Variants in MTMR10 observed in about 807,000 individuals in gnomAD.
MTMR10 encodes the protein myotubularin-related protein 10.
In MTMR10, 56 loss-of-function variants were observed where a neutral mutation model predicts 88.1. That is an observed-to-expected ratio of 0.64 (90% CI 0.51 to 0.79). MTMR10 has a LOEUF of 0.79. MTMR10 is among the 30% of genes least tolerant of loss of function. The pLI, the probability that MTMR10 is intolerant of heterozygous loss-of-function variation, is 0.00. For missense variants in MTMR10, 883 were observed against 924.7 expected (o/e 0.95, Z 0.58); for synonymous variants, 380 against 340.9 (o/e 1.11, Z -1.26).
At chr15:30,961,206 G>C in intron 6 of MTMR10, 133 bp from the exon 7 acceptor site, 1 of 1,224,936 alleles carries the variant, frequency 8.2e-7, no homozygotes, top group Non-Finnish European at 1.1e-6. Flanking sequence ...GTCTCTCCGA[G>C]AACTGTCTTG....
chr15:30,924,693 G>A, the MTMR10 span, among the ~76,000 whole-genome samples: 1 of 152,254 alleles, frequency 6.6e-6, no homozygotes, highest in South Asian at 2.1e-4. Context: ...TTGACCTGGC[G>A]CTTTGATGTG....
At chr15:30,983,799 A>G (rs561419121) in intron 2 of MTMR10, among the ~76,000 whole-genome samples, 1 of 152,354 alleles carries the variant, frequency 6.6e-6, no homozygotes, top group African/African-American at 2.4e-5. Flanking sequence ...TTCAGGAATT[A>G]AAGTGGCTCA....
intron 7 of MTMR10, among the ~76,000 whole-genome samples, chr15:30,960,133 A>G (rs1209514145): frequency 6.6e-6 from 1 of 152,224 alleles, no homozygotes; most frequent in African/African-American, 2.4e-5. Flanking sequence ...CCTTAGTGAA[A>G]TAACGATCTG....
At chr15:30,955,043 C>G in intron 9 of MTMR10, 150 bp from the exon 10 acceptor site, 1 of 595,412 alleles carries the variant, frequency 1.7e-6, no homozygotes, top group Non-Finnish European at 2.6e-6. Flanking sequence ...TAAGACAGAA[C>G]CATTGCTTAT....
At chr15:30,984,732 T>C (rs2030828293) in intron 2 of MTMR10, among the ~76,000 whole-genome samples, 1 of 152,196 alleles carries the variant, frequency 6.6e-6, no homozygotes, top group Non-Finnish European at 1.5e-5. Flanking sequence ...ATCTAATAGT[T>C]AATCTCAAGA....
chr15:30,920,598 A>C, the MTMR10 span: 1 of 1,612,194 alleles, frequency 6.2e-7, no homozygotes, highest in Non-Finnish European at 8.5e-7. Context: ...GGGTGGATTT[A>C]TACAAGGATT....
chr15:30,933,820 G>A, the MTMR10 span, among the ~76,000 whole-genome samples: 6 of 151,852 alleles, frequency 4.0e-5, no homozygotes, highest in African/African-American at 1.5e-4. Flanking sequence ...TGTAGTGGCA[G>A]TGCGATCCTG....
At chr15:30,959,245 A>G (rs73366553) in intron 7 of MTMR10, 124 bp from the exon 8 acceptor site, 11,611 of 825,574 alleles carry the variant, frequency 0.014, 382 homozygotes, top group African/African-American at 0.1. Context: ...TAGTAGCCAC[A>G]TGGTGGGCAC....
the MTMR10 span, chr15:30,930,651 T>C: frequency 4.3e-6 from 7 of 1,612,712 alleles, no homozygotes; most frequent in Non-Finnish European, 5.9e-6. Flanking sequence ...GGTGTGGAAC[T>C]CCCAGAGCCG....
the MTMR10 span, among the ~76,000 whole-genome samples, chr15:30,933,727 C>T: frequency 6.8e-6 from 1 of 147,032 alleles, no homozygotes; most frequent in Non-Finnish European, 1.5e-5. Flanking sequence ...ATTGATATCT[C>T]TGATTATAAT....
the MTMR10 span, chr15:30,930,391 G>GTGTA: frequency 1.2e-6 from 1 of 840,922 alleles, no homozygotes; most frequent in African/African-American, 1.8e-5. Context: ...TGCAGCTCTG[G>GTGTA]TACAAGCAGC....
At chr15:30,974,481 A>G in intron 4 of MTMR10, 25 bp from the exon 5 acceptor site, 1 of 1,498,126 alleles carries the variant, frequency 6.7e-7, no homozygotes, top group South Asian at 1.4e-5. Context: ...AAAATAGAGA[A>G]AATAAAATGC....
Position 30,939,166 on chromosome 15 carries a change from G to T in MTMR10, c.*2304C>A, listed in dbSNP as rs1332713525. On this transcript the variant is annotated 3_prime_UTR_variant, in exon 16 of 16. Transcript: ENST00000435680. ...TGTGAACAGCTTTCACCCTCTGTTA[G>T]TACAAATTAATATCCTTTCCTTAAA... 1.0e-6 allele frequency: 1 copy of T among 985,226 alleles called. No individual in the cohort carries two copies. Among genetic ancestry groups the T allele is most frequent in the East Asian group, 1.1e-4 (1 of 8,826 alleles). 61.0% of individuals were successfully genotyped at this position (985,226 alleles called of 1,614,324 possible). A position where few individuals can be genotyped will look rare whatever the true frequency, so the allele number is the denominator to read the frequency against.
At chr15:30,966,603 G>A (rs2063474997) in intron 6 of MTMR10, among the ~76,000 whole-genome samples, 1 of 152,120 alleles carries the variant, frequency 6.6e-6, no homozygotes, top group Admixed American at 6.5e-5. Flanking sequence ...GTAGCTTGAC[G>A]ATGATCCCAA....
chr15:30,948,495 T>C lies in MTMR10; in HGVS notation c.1208-24A>G, dbSNP rs1299133797. The C allele has an allele frequency of 1.1e-5, 18 of 1,572,930 alleles. No individual in the cohort carries two copies. The South Asian group carries it at 1.9e-4, about 16-fold the overall frequency. Reference sequence around the variant, plus strand: ...CTCTGTTAATAAAATGGAAAGAAAATGATTACAACATAGAAAAATGCTGAG... The same window carrying C: ...CTCTGTTAATAAAATGGAAAGAAAACGATTACAACATAGAAAAATGCTGAG... On this transcript the variant is annotated intron_variant, in intron 12 of 15. Coordinates refer to ENST00000435680, the MANE Select transcript of MTMR10 (RefSeq NM_017762.3).
intron 9 of MTMR10, among the ~76,000 whole-genome samples, chr15:30,956,532 T>C (rs1361507286): frequency 2.6e-5 from 4 of 152,104 alleles, no homozygotes; most frequent in East Asian, 1.9e-4. Context: ...AATGTAAAGA[T>C]CTGGGGTGAA....
intron 6 of MTMR10, among the ~76,000 whole-genome samples, chr15:30,961,996 C>A (rs1420635223): frequency 6.6e-6 from 1 of 152,166 alleles, no homozygotes; most frequent in Admixed American, 6.5e-5. Flanking sequence ...TTTTCTAATA[C>A]CAACTTCTCA....
intron 9 of MTMR10, among the ~76,000 whole-genome samples, chr15:30,955,566 G>A (rs557374454): frequency 3.1e-4 from 47 of 152,240 alleles, no homozygotes; most frequent in Middle Eastern, 3.4e-3. Context: ...CACCGCGCCC[G>A]GGCTCATTCC....
chr15:30,983,629 G>A (rs2030739897), intron 2 of MTMR10, among the ~76,000 whole-genome samples: 1 of 152,194 alleles, frequency 6.6e-6, no homozygotes. Context: ...GGGATGTGTA[G>A]AGGCCAAAAG....
Sources: gnomAD v4.1 joint callset for allele counts (sites outside exome capture counted in the v4.1 genomes callset) on GRCh38, gnomAD v4.1.1 for gene constraint, MANE v1.5 for transcripts, NCBI Gene and HGNC (gene_info 2026-07-23, HGNC 2026-07-21) for gene names.